The following GRID2 variants were observed in gnomAD, a reference collection of about 807,000 sequenced individuals.
The protein encoded by GRID2 is glutamate receptor ionotropic, delta-2.
In GRID2, 33 loss-of-function variants were observed where a neutral mutation model predicts 114.8. That is an observed-to-expected ratio of 0.29 (90% confidence interval 0.22 to 0.38). The LOEUF is 0.38. Among genes scored for constraint, GRID2 ranks in the 10% least tolerant of loss-of-function variants. The pLI, the probability that GRID2 is intolerant of heterozygous loss-of-function variation, is 1.00. For missense variants in GRID2, 1,184 were observed against 1,257.7 expected (o/e 0.94, Z 0.89); for synonymous variants, 505 against 449.9 (o/e 1.12, Z -1.55).
At chr4:92,753,018 G>C (rs1171832940) in intron 2 of GRID2, among the ~76,000 whole-genome samples, 1 of 152,146 alleles carries the variant, frequency 6.6e-6, no homozygotes, top group African/African-American at 2.4e-5. Flanking sequence ...TAAGTGAAGA[G>C]AGGACAAATG....
At chr4:92,491,015 T>C (rs1723121293) in intron 1 of GRID2, among the ~76,000 whole-genome samples, 1 of 152,154 alleles carries the variant, frequency 6.6e-6, no homozygotes, top group South Asian at 2.1e-4. Flanking sequence ...ATTGCTCTTT[T>C]GTATTTTATC....
intron 13 of GRID2, among the ~76,000 whole-genome samples, chr4:93,583,283 A>G (rs1042558246): frequency 9.2e-5 from 14 of 152,206 alleles, no homozygotes; most frequent in African/African-American, 2.4e-4. Flanking sequence ...CGCTACAGGT[A>G]TAATTATGTA....
chr4:92,643,313 C>A (rs1393689379), intron 2 of GRID2, among the ~76,000 whole-genome samples: 10 of 151,060 alleles, frequency 6.6e-5, no homozygotes, highest in Non-Finnish European at 8.9e-5. Context: ...GGAGATCTTT[C>A]AACATACTAC....
chr4:93,605,243 A>T (rs1740107241), intron 13 of GRID2, among the ~76,000 whole-genome samples: 1 of 152,228 alleles, frequency 6.6e-6, no homozygotes, highest in South Asian at 2.1e-4. Flanking sequence ...TAAAATTTAA[A>T]AATTCAATTC....
intron 2 of GRID2, among the ~76,000 whole-genome samples, chr4:93,018,460 G>T (rs1385752753): frequency 6.6e-6 from 1 of 152,038 alleles, no homozygotes; most frequent in African/African-American, 2.4e-5. Flanking sequence ...TAAAGTGGAG[G>T]TTTTATTTAT....
intron 2 of GRID2, among the ~76,000 whole-genome samples, chr4:92,946,403 C>A (rs1369376638): frequency 6.6e-6 from 1 of 151,978 alleles, no homozygotes; most frequent in South Asian, 2.1e-4. Context: ...TCATCTAAAT[C>A]TTTTTTCCTG....
chr4:92,561,220 G>A (rs1019166826), intron 1 of GRID2, among the ~76,000 whole-genome samples: 40 of 152,142 alleles, frequency 2.6e-4, no homozygotes, highest in African/African-American at 8.0e-4. Context: ...AAATGAAGAA[G>A]TTTGTTCAAC....
intron 2 of GRID2, among the ~76,000 whole-genome samples, chr4:92,685,535 T>G (rs898330987): frequency 6.6e-6 from 1 of 152,090 alleles, no homozygotes. Context: ...TAATCTCATA[T>G]GAGTTAACAT....
chr4:93,486,553 G>A (rs1029445727), intron 11 of GRID2, among the ~76,000 whole-genome samples: 4 of 151,398 alleles, frequency 2.6e-5, no homozygotes, highest in African/African-American at 9.7e-5. Flanking sequence ...GTTTGTTTTG[G>A]TTTTGTTTTT....
At chr4:92,886,782 C>T (rs967118385) in intron 2 of GRID2, among the ~76,000 whole-genome samples, 5 of 151,932 alleles carry the variant, frequency 3.3e-5, no homozygotes, top group Admixed American at 6.6e-5. Flanking sequence ...CCCGCCACCA[C>T]GTCCGGCTAA....
chr4:92,851,723 C>T (rs1012742382), intron 2 of GRID2, among the ~76,000 whole-genome samples: 2 of 151,924 alleles, frequency 1.3e-5, no homozygotes, highest in Non-Finnish European at 1.5e-5. Flanking sequence ...AAGGACCAAA[C>T]TCTAAATGCC....
intron 2 of GRID2, among the ~76,000 whole-genome samples, chr4:92,661,079 C>G (rs1372601756): frequency 6.6e-6 from 1 of 150,708 alleles, no homozygotes; most frequent in East Asian, 1.9e-4. Context: ...CAGAGTGTAT[C>G]ATTATCAGCT....
intron 8 of GRID2, among the ~76,000 whole-genome samples, chr4:93,378,255 T>G (rs1038744369): frequency 1.3e-5 from 2 of 152,252 alleles, no homozygotes; most frequent in African/African-American, 4.8e-5. Context: ...AAACTTAAAT[T>G]TAGATTTCAA....
At chr4:93,231,509 G>A (rs1190983476) in intron 7 of GRID2, among the ~76,000 whole-genome samples, 1 of 151,974 alleles carries the variant, frequency 6.6e-6, no homozygotes, top group African/African-American at 2.4e-5. Context: ...ATAGGATACT[G>A]TAGAATCTTA....
chr4:92,810,299 A>AT (rs111789325), intron 2 of GRID2, among the ~76,000 whole-genome samples: 3 of 151,932 alleles, frequency 2.0e-5, no homozygotes, highest in African/African-American at 7.2e-5. Flanking sequence ...AGTTATTTTA[A>AT]ATTTTTTTAA....
rs1000551281 is a variant in GRID2 at position 92,876,080 on chromosome 4, A to G, written c.245-208915A>G. 7.9e-5 allele frequency among the ~76,000 whole-genome samples: 12 copies of G among 152,018 alleles called. No individual in the cohort carries two copies. The East Asian group carries it at 1.7e-3, about 22-fold the overall frequency. Reference sequence around the variant, plus strand: ...TTCAATCTCCTATATACCAAATACTATAATATTAAAATTCTAATATTTTTG... The same window carrying G: ...TTCAATCTCCTATATACCAAATACTGTAATATTAAAATTCTAATATTTTTG... On this transcript the variant is annotated intron_variant, in intron 2 of 15. Transcript: ENST00000282020.
chr4:92,307,767 A>T (rs1725482780), intron 1 of GRID2, among the ~76,000 whole-genome samples: 1 of 152,206 alleles, frequency 6.6e-6, no homozygotes, highest in African/African-American at 2.4e-5. Context: ...ACACATCCAC[A>T]CACAGATACA....
At chr4:92,373,639 A>G (rs893618032) in intron 1 of GRID2, among the ~76,000 whole-genome samples, 2 of 152,222 alleles carry the variant, frequency 1.3e-5, no homozygotes, top group Admixed American at 6.5e-5. Flanking sequence ...ACTGGATTGT[A>G]AACTCCACAA....
rs1387326841 is a variant in GRID2 at position 92,397,831 on chromosome 4, G to A, written c.88+93087G>A. Among the ~76,000 whole-genome samples the A allele has an allele frequency of 2.0e-5, 3 of 152,092 alleles. No homozygotes were observed. In the East Asian group the frequency reaches 5.8e-4, roughly 29 times the overall value. On this transcript the variant is annotated intron_variant, in intron 1 of 15. Coordinates refer to ENST00000282020, the MANE Select transcript of GRID2 (RefSeq NM_001510.4). ...AATTAATAATGAACCATATGGAAAC[G>A]ATTTTATTTCTTCCACACCTTTGAG...
Sources: gnomAD v4.1 joint callset for allele counts (sites outside exome capture counted in the v4.1 genomes callset) on GRCh38, gnomAD v4.1.1 for gene constraint, MANE v1.5 for transcripts, NCBI Gene and HGNC (gene_info 2026-07-23, HGNC 2026-07-21) for gene names.